MGMT: variants seen among roughly 807,000 people sequenced by gnomAD.
MGMT encodes O-6-methylguanine-DNA methyltransferase, also known as methylated-DNA--protein-cysteine methyltransferase.
In MGMT, 14 loss-of-function variants were observed where a neutral mutation model predicts 15.9. The ratio of observed to expected loss-of-function variants is 0.88; its 90% CI spans 0.58 to 1.37. The LOEUF (loss-of-function observed/expected upper bound fraction) is 1.37. Ranked by LOEUF, MGMT falls within the 40% of genes most tolerant of loss-of-function variation. The pLI, the probability that MGMT is intolerant of heterozygous loss-of-function variation, is 0.00. For synonymous variants in MGMT, 130 were observed against 118.2 expected, an observed-to-expected ratio of 1.10 and a Z score of -0.65; for missense variants, 282 against 268.1, an observed-to-expected ratio of 1.05 and a Z score of -0.36.
chr10:129,494,078 CTG>C (rs1298756556), intron 1 of MGMT, among the ~76,000 whole-genome samples: 1 of 152,170 alleles, frequency 6.6e-6, no homozygotes, highest in Non-Finnish European at 1.5e-5. Context: ...ATCTGAGACT[CTG>C]TCTTAAAGAA....
chr10:129,641,156 A>G (rs1025146386), intron 2 of MGMT, among the ~76,000 whole-genome samples: 9 of 152,226 alleles, frequency 5.9e-5, no homozygotes, highest in African/African-American at 2.2e-4. Context: ...TACAAAAACC[A>G]ATTGCCTTTC....
chr10:129,629,140 G>GTC (rs1287339916), intron 2 of MGMT, among the ~76,000 whole-genome samples: 7 of 152,322 alleles, frequency 4.6e-5, no homozygotes, highest in Middle Eastern at 3.4e-3. Context: ...CCTTCCCCAG[G>GTC]TCTGTGGCAT....
At chr10:129,496,363 A>T (rs1158992765) in intron 1 of MGMT, among the ~76,000 whole-genome samples, 1 of 152,144 alleles carries the variant, frequency 6.6e-6, no homozygotes, top group African/African-American at 2.4e-5. Flanking sequence ...CTTAAAATTG[A>T]TGAAAGTTTA....
intron 1 of MGMT, among the ~76,000 whole-genome samples, chr10:129,502,040 C>A (rs1441601793): frequency 6.6e-6 from 1 of 152,256 alleles, no homozygotes; most frequent in South Asian, 2.1e-4. Context: ...TGGCATCAAG[C>A]TTGCATGAAT....
At chr10:129,472,747 A>G (rs1231949568) in intron 1 of MGMT, among the ~76,000 whole-genome samples, 3 of 152,180 alleles carry the variant, frequency 2.0e-5, no homozygotes, top group Non-Finnish European at 4.4e-5. Flanking sequence ...GTGTTTGCGG[A>G]TGCAGAGTCG....
At chr10:129,607,160 C>T (rs1370237032) in intron 2 of MGMT, among the ~76,000 whole-genome samples, 3 of 151,754 alleles carry the variant, frequency 2.0e-5, no homozygotes, top group African/African-American at 2.4e-5. Context: ...TCCGGGCCAG[C>T]AGAAATGGTC....
At chr10:129,599,367 G>T (rs1019951205) in intron 2 of MGMT, among the ~76,000 whole-genome samples, 1 of 152,198 alleles carries the variant, frequency 6.6e-6, no homozygotes, top group African/African-American at 2.4e-5. Context: ...TCAACAGGTT[G>T]CTCTCGTCAC....
chr10:129,678,941 T>A (rs1847816705), intron 2 of MGMT, among the ~76,000 whole-genome samples: 1 of 151,894 alleles, frequency 6.6e-6, no homozygotes, highest in Non-Finnish European at 1.5e-5. Flanking sequence ...AGCGTGGTGG[T>A]GCACACCTGT....
In MGMT at chr10:129,707,125, AAGTT is replaced by A. The variant is rs531351803; in HGVS notation, c.126-767_126-764del. On this transcript the variant is annotated intron_variant, in intron 2 of 4. Coordinates refer to ENST00000651593, the MANE Select transcript of MGMT (RefSeq NM_002412.5). The stretch of plus-strand genomic sequence containing the variant: ...ACCCCATCTCTACTAAAGATACAAA[AAGTT>A]AGCTGGCCGTGGTGGCAGTCGCCTG... Among the ~76,000 whole-genome samples the A allele has an allele frequency of 1.4e-3, 213 of 152,056 alleles. 1 individual carries two copies. Among genetic ancestry groups the A allele is most frequent in the Admixed American group, 2.4e-3 (37 of 15,270 alleles).
At chr10:129,739,421 A>G (rs1291985044) in intron 3 of MGMT, among the ~76,000 whole-genome samples, 3 of 152,134 alleles carry the variant, frequency 2.0e-5, no homozygotes, top group Admixed American at 2.0e-4. Flanking sequence ...TCAGCCCAAA[A>G]TCTCCTCTTT....
At chr10:129,756,834 A>G (rs1848812964) in intron 3 of MGMT, among the ~76,000 whole-genome samples, 1 of 152,204 alleles carries the variant, frequency 6.6e-6, no homozygotes. Flanking sequence ...GCTGCTGAGG[A>G]CTGATGTGGT....
chr10:129,526,236 A>G (rs1276742609), intron 1 of MGMT, among the ~76,000 whole-genome samples: 1 of 152,188 alleles, frequency 6.6e-6, no homozygotes, highest in East Asian at 1.9e-4. Context: ...TTTTTAAATT[A>G]AAATACTATC....
At chr10:129,664,409 A>G (rs999009969) in intron 2 of MGMT, among the ~76,000 whole-genome samples, 7 of 152,228 alleles carry the variant, frequency 4.6e-5, no homozygotes, top group African/African-American at 1.4e-4. Flanking sequence ...GAAGAGGGAC[A>G]CTTACATGGA....
At chr10:129,622,167 A>G (rs1847098090) in intron 2 of MGMT, among the ~76,000 whole-genome samples, 1 of 152,232 alleles carries the variant, frequency 6.6e-6, no homozygotes, top group African/African-American at 2.4e-5. Flanking sequence ...TTGAGACGGA[A>G]TACCTGATCT....
intron 1 of MGMT, among the ~76,000 whole-genome samples, chr10:129,487,880 G>T (rs932663286): frequency 6.6e-6 from 1 of 150,828 alleles, no homozygotes; most frequent in Admixed American, 6.6e-5. Context: ...GACATTGAGA[G>T]ACTGTGTGTG....
chr10:129,664,802 C>T (rs1847638745), intron 2 of MGMT, among the ~76,000 whole-genome samples: 1 of 152,148 alleles, frequency 6.6e-6, no homozygotes, highest in African/African-American at 2.4e-5. Flanking sequence ...GGAACAGGCA[C>T]TTCACCAAAG....
chr10:129,517,299 G>A (rs927371764), intron 1 of MGMT, among the ~76,000 whole-genome samples: 2 of 152,170 alleles, frequency 1.3e-5, no homozygotes, highest in African/African-American at 4.8e-5. Flanking sequence ...GTAATGGGAT[G>A]GGTGGGTGTT....
At chr10:129,686,052 T>A (rs1847901078) in intron 2 of MGMT, among the ~76,000 whole-genome samples, 1 of 152,208 alleles carries the variant, frequency 6.6e-6, no homozygotes, top group African/African-American at 2.4e-5. Flanking sequence ...GACTTTTTAA[T>A]GTCAATTATA....
At chr10:129,586,915 G>A (rs570049180) in intron 2 of MGMT, among the ~76,000 whole-genome samples, 12 of 152,312 alleles carry the variant, frequency 7.9e-5, no homozygotes, top group Middle Eastern at 6.8e-3. Flanking sequence ...GGAAGACTTA[G>A]CATTTCTTCT....
Sources: gnomAD v4.1 joint callset for allele counts (sites outside exome capture counted in the v4.1 genomes callset) on GRCh38, gnomAD v4.1.1 for gene constraint, MANE v1.5 for transcripts, NCBI Gene and HGNC (gene_info 2026-07-23, HGNC 2026-07-21) for gene names.